Variants in SKI observed in about 807,000 individuals in gnomAD.
SKI encodes ski oncogene.
A neutral mutation model predicts 59.3 loss-of-function variants in SKI; 23 were observed. That is an observed-to-expected ratio of 0.39 (90% CI 0.28 to 0.55). SKI has a LOEUF of 0.55. Among genes scored for constraint, SKI ranks in the 20% least tolerant of loss-of-function variants. The pLI, the probability that SKI is intolerant of heterozygous loss-of-function variation, is 0.67. For missense variants in SKI, 1,017 were observed against 1,038.9 expected, an observed-to-expected ratio of 0.98 and a Z score of 0.29; for synonymous variants, 673 against 488.6, an observed-to-expected ratio of 1.38 and a Z score of -4.98.
At chr1:2,240,380 A>G (rs1638844448) in intron 1 of SKI, 1 of 606,142 alleles carries the variant, frequency 1.6e-6, no homozygotes, top group Admixed American at 6.3e-5. Flanking sequence ...AATGTGGGCC[A>G]GGCAGGTCTG....
intron 1 of SKI, among the ~76,000 whole-genome samples, chr1:2,294,235 C>G (rs1640233983): frequency 6.6e-6 from 1 of 152,236 alleles, no homozygotes; most frequent in Admixed American, 6.5e-5. Flanking sequence ...CTGTGAGTCA[C>G]AGCCAGGATG....
At chr1:2,250,607 A>G (rs1272689178) in intron 1 of SKI, among the ~76,000 whole-genome samples, 1 of 152,188 alleles carries the variant, frequency 6.6e-6, no homozygotes, top group Non-Finnish European at 1.5e-5. Flanking sequence ...GTCATTTGAG[A>G]GAATGTTTCA....
At chr1:2,301,990 G>A (rs1640436577) in intron 1 of SKI, among the ~76,000 whole-genome samples, 1 of 152,242 alleles carries the variant, frequency 6.6e-6, no homozygotes, top group South Asian at 2.1e-4. Context: ...ATTTTGCTTG[G>A]GAAGAGACCT....
chr1:2,282,201 G>GA (rs1639902276), intron 1 of SKI, among the ~76,000 whole-genome samples: 1 of 7,804 alleles, frequency 1.3e-4, no homozygotes, highest in Admixed American at 8.9e-4. Context: ...TTCAGAGAGA[G>GA]GACGCCTGAG....
intron 1 of SKI, among the ~76,000 whole-genome samples, chr1:2,236,754 G>A (rs1638757478): frequency 6.6e-6 from 1 of 152,170 alleles, no homozygotes; most frequent in Non-Finnish European, 1.5e-5. Flanking sequence ...GACCTGGGGG[G>A]CGCTTCTACC....
chr1:2,301,134 C>A (rs926165317), intron 1 of SKI, among the ~76,000 whole-genome samples: 1 of 152,122 alleles, frequency 6.6e-6, no homozygotes, highest in Non-Finnish European at 1.5e-5. Flanking sequence ...CCCAGCCGGG[C>A]GTCCTCGGCC....
Position 2,306,009 on chromosome 1 carries a change from C to A in SKI, c.1768-11C>A, listed in dbSNP as rs1370314773. 2.6e-6 allele frequency: 4 copies of A among 1,562,794 alleles called. No individual in the cohort carries two copies. The Admixed American group carries it at 7.7e-5, about 30-fold the overall frequency. ...GCTGGGCAGTGACCCCGAGCCGCCT[C>A]CGGCCCCCAGGAGCTGGAGTTCCTA... On this transcript the variant is annotated splice_polypyrimidine_tract_variant and intron_variant, in intron 5 of 6. Coordinates refer to ENST00000378536, the MANE Select transcript of SKI (RefSeq NM_003036.4).
intron 1 of SKI, among the ~76,000 whole-genome samples, chr1:2,276,471 A>G (rs1267835404): frequency 1.3e-5 from 2 of 152,076 alleles, no homozygotes; most frequent in Non-Finnish European, 2.9e-5. Context: ...TGGCCCTGGG[A>G]TTGGGGAGCC....
chr1:2,277,024 G>C (rs750583235), intron 1 of SKI, among the ~76,000 whole-genome samples: 1 of 152,152 alleles, frequency 6.6e-6, no homozygotes, highest in African/African-American at 2.4e-5. Context: ...GTGCTGGAGC[G>C]GTTGCTTCCA....
intron 1 of SKI, among the ~76,000 whole-genome samples, chr1:2,290,168 A>C (rs1640130608): frequency 6.6e-6 from 1 of 151,980 alleles, no homozygotes; most frequent in African/African-American, 2.4e-5. Flanking sequence ...TTAAGAGATC[A>C]GGCAGGGCAG....
intron 1 of SKI, among the ~76,000 whole-genome samples, chr1:2,277,173 C>T (rs570240836): frequency 6.8e-4 from 103 of 152,308 alleles, no homozygotes; most frequent in African/African-American, 2.4e-3. Context: ...TGGAGTCTCA[C>T]CCTGTCTCCT....
chr1:2,285,253 C>T (rs2100882389), intron 1 of SKI, among the ~76,000 whole-genome samples: 1 of 152,268 alleles, frequency 6.6e-6, no homozygotes, highest in East Asian at 1.9e-4. Context: ...TGGCTCACAC[C>T]TGGAATCCCA....
chr1:2,256,350 G>A (rs542437400), intron 1 of SKI, among the ~76,000 whole-genome samples: 264 of 152,320 alleles, frequency 1.7e-3, no homozygotes, highest in African/African-American at 5.9e-3. Context: ...CCTCTCCACT[G>A]TGTGTTCCTG....
chr1:2,304,188 T>C lies in SKI; in HGVS notation c.1474+86T>C. Reference sequence around the variant, plus strand: ...GGGGGGCTGGTCGCCGGGGGTGCGTTGGTGGCCCCATGTTTCGCAGGTTCC... The same window carrying C: ...GGGGGGCTGGTCGCCGGGGGTGCGTCGGTGGCCCCATGTTTCGCAGGTTCC... On this transcript the variant is annotated intron_variant, in intron 4 of 6. Coordinates refer to ENST00000378536, the MANE Select transcript of SKI (RefSeq NM_003036.4). 3.8e-6 allele frequency: 6 copies of C among 1,579,210 alleles called. No homozygotes were observed. The South Asian group carries it at 4.6e-5, about 12-fold the overall frequency.
intron 1 of SKI, among the ~76,000 whole-genome samples, chr1:2,233,111 A>G (rs994310808): frequency 6.6e-6 from 1 of 152,012 alleles, no homozygotes; most frequent in Non-Finnish European, 1.5e-5. Context: ...AACGTCAGCC[A>G]AGCGCTTTCC....
At chr1:2,230,318 C>G (rs955295052) in intron 1 of SKI, among the ~76,000 whole-genome samples, 2 of 152,194 alleles carry the variant, frequency 1.3e-5, no homozygotes, top group Non-Finnish European at 2.9e-5. Context: ...AAAATGAAGC[C>G]AGGTGTCCAG....
chr1:2,234,972 G>C (rs1029471460), intron 1 of SKI, among the ~76,000 whole-genome samples: 1 of 152,038 alleles, frequency 6.6e-6, no homozygotes, highest in Non-Finnish European at 1.5e-5. Context: ...CAGAGCGGGT[G>C]GTAGGGCGGC....
chr1:2,248,770 T>C (rs761222101), intron 1 of SKI, among the ~76,000 whole-genome samples: 3 of 152,242 alleles, frequency 2.0e-5, no homozygotes, highest in African/African-American at 4.8e-5. Context: ...CAGTGTACTT[T>C]TTGATTATTT....
intron 1 of SKI, among the ~76,000 whole-genome samples, chr1:2,245,936 A>G (rs1638984815): frequency 6.6e-6 from 1 of 151,492 alleles, no homozygotes; most frequent in Admixed American, 6.6e-5. Context: ...AGCTGGGGCT[A>G]TAGGTGTGTG....
Sources: gnomAD v4.1 joint callset for allele counts (sites outside exome capture counted in the v4.1 genomes callset) on GRCh38, gnomAD v4.1.1 for gene constraint, MANE v1.5 for transcripts, NCBI Gene and HGNC (gene_info 2026-07-23, HGNC 2026-07-21) for gene names.